SVOPL: variants seen among roughly 807,000 people sequenced by gnomAD.
SVOPL encodes putative transporter SVOPL.
Under a neutral mutation model 61.0 loss-of-function variants are expected in SVOPL, and 60 were observed. That is an observed-to-expected ratio of 0.98 (90% CI 0.80 to 1.22). SVOPL has a LOEUF of 1.22. Ranked by LOEUF, SVOPL falls within the 50% of genes most tolerant of loss-of-function variation. The pLI is 0.00. For synonymous variants in SVOPL, 279 were observed against 250.0 expected (o/e 1.12, Z -1.09); for missense variants, 662 against 643.9 (o/e 1.03, Z -0.30).
At chr7:138,624,180 C>A (rs1261973487) in intron 13 of SVOPL, among the ~76,000 whole-genome samples, 2 of 152,164 alleles carry the variant, frequency 1.3e-5, no homozygotes, top group Non-Finnish European at 2.9e-5. Flanking sequence ...TCAAGTTCAC[C>A]TTAGTTCCCC....
At chr7:138,624,411 A>T (rs1799805564) in intron 13 of SVOPL, among the ~76,000 whole-genome samples, 1 of 152,202 alleles carries the variant, frequency 6.6e-6, no homozygotes, top group African/African-American at 2.4e-5. Flanking sequence ...TTTTTGGAGT[A>T]GGTGGATCTG....
chr7:138,641,276 A>C (rs1038825162), intron 9 of SVOPL, among the ~76,000 whole-genome samples: 162 of 152,220 alleles, frequency 1.1e-3, no homozygotes, highest in African/African-American at 3.8e-3. Context: ...CTACAACAAA[A>C]AAAAAAATGT....
intron 9 of SVOPL, among the ~76,000 whole-genome samples, chr7:138,639,965 A>G (rs1158417776): frequency 2.0e-5 from 3 of 151,824 alleles, no homozygotes; most frequent in African/African-American, 7.3e-5. Flanking sequence ...TTTGATGCCC[A>G]GGCTGGTCTC....
At chr7:138,611,917 G>T (rs1290354561) in intron 14 of SVOPL, among the ~76,000 whole-genome samples, 5 of 13,722 alleles carry the variant, frequency 3.6e-4, no homozygotes, top group East Asian at 1.6e-3. Context: ...CATTGAGAAC[G>T]GGCCAGGATG....
chr7:138,630,411 C>T (rs377671293), intron 9 of SVOPL, among the ~76,000 whole-genome samples: 4 of 152,002 alleles, frequency 2.6e-5, no homozygotes, highest in East Asian at 1.9e-4. Flanking sequence ...AGCACTGGCG[C>T]GGGGGTGGGG....
intron 14 of SVOPL, among the ~76,000 whole-genome samples, chr7:138,605,212 T>C (rs915662834): frequency 8.5e-6 from 1 of 117,396 alleles, no homozygotes; most frequent in East Asian, 2.5e-4. Context: ...AAAAAAAGGA[T>C]AAAACTAAGA....
chr7:138,631,884 T>TAGTGTTCA lies in SVOPL; in HGVS notation c.790-1770_790-1763dup, dbSNP rs1200217937. On this transcript the variant is annotated intron_variant, in intron 9 of 15. Transcript: ENST00000674285. The stretch of plus-strand genomic sequence containing the variant: ...ATGCCCGGCAGGCTCACTCTCCTTT[T>TAGTGTTCA]AGTGTTCAATTTATGTCCCATTTAT... Among the ~76,000 whole-genome samples the TAGTGTTCA allele has an allele frequency of 1.3e-5, 2 of 151,428 alleles. 1 individual carries two copies. Among genetic ancestry groups the TAGTGTTCA allele is most frequent in the East Asian group, 3.9e-4 (2 of 5,168 alleles).
rs114338250 is a variant in SVOPL at position 138,698,568 on chromosome 7, G to A, written c.-35+2610C>T. 4.7e-3 allele frequency among the ~76,000 whole-genome samples: 714 copies of A among 152,196 alleles called. 4 individuals carry two copies. The highest frequency in any genetic ancestry group is 0.016 in the African/African-American group (681 of 41,534). On this transcript the variant is annotated intron_variant, in intron 1 of 15. Coordinates refer to ENST00000674285, the MANE Select transcript of SVOPL (RefSeq NM_001139456.2). ...GGACCAAGAGATCTCCCGCAGCCTC[G>A]GACTGCTCACCTCCAGACACCACGT...
At position 138,596,424 on chromosome 7, in the gene SVOPL, G is replaced by GC; in HGVS notation, c.1459dup (p.Ala487GlyfsTer6). 1 of 1,613,746 alleles carries GC rather than the reference G, an allele frequency of 6.2e-7. No individual in the cohort carries two copies. Among genetic ancestry groups the GC allele is most frequent in the Non-Finnish European group, 8.5e-7 (1 of 1,179,814 alleles). On this transcript the variant is annotated frameshift_variant, in exon 15 of 16. Coordinates refer to ENST00000674285, the MANE Select transcript of SVOPL (RefSeq NM_001139456.2). LOFTEE classifies it high-confidence loss of function. The stretch of plus-strand genomic sequence containing the variant: ...GTTCCCTGCATCACTCACCTGGAGG[G>GC]CCCGTCCTTTGGTTTCGATGGGGAG...
intron 11 of SVOPL, 51 bp from the exon 12 acceptor site, chr7:138,627,512 C>A (rs1191497135): frequency 1.5e-6 from 2 of 1,318,578 alleles, no homozygotes; most frequent in Non-Finnish European, 2.2e-6. Context: ...AGGCAAGTGG[C>A]ATATTGCAAC....
chr7:138,688,480 G>C (rs917104789), intron 1 of SVOPL, among the ~76,000 whole-genome samples: 1 of 152,148 alleles, frequency 6.6e-6, no homozygotes, highest in Non-Finnish European at 1.5e-5. Flanking sequence ...ATGTTGGTCA[G>C]GCTGGTCTTG....
chr7:138,660,070 G>C (rs1008674143), intron 5 of SVOPL, 82 bp from the exon 6 acceptor site: 1 of 1,520,996 alleles, frequency 6.6e-7, no homozygotes, highest in Admixed American at 2.1e-5. Context: ...GGCGATTTTC[G>C]GTTTCCATCC....
intron 13 of SVOPL, among the ~76,000 whole-genome samples, chr7:138,624,583 C>T (rs1799811546): frequency 6.6e-6 from 1 of 152,040 alleles, no homozygotes; most frequent in Admixed American, 6.6e-5. Flanking sequence ...AACAAAAAGT[C>T]ATCTTGATAT....
At chr7:138,631,873 C>T (rs1159274416) in intron 9 of SVOPL, among the ~76,000 whole-genome samples, 2 of 151,654 alleles carry the variant, frequency 1.3e-5, no homozygotes, top group African/African-American at 2.4e-5. Context: ...CCGGCAGGCT[C>T]ACTCTCCTTT....
intron 11 of SVOPL, among the ~76,000 whole-genome samples, chr7:138,627,779 AT>A (rs902757077): frequency 2.0e-5 from 3 of 152,006 alleles, no homozygotes; most frequent in East Asian, 3.9e-4. Flanking sequence ...GGTGCCATTG[AT>A]TTTTTTTCAT....
chr7:138,631,371 T>C (rs912077110), intron 9 of SVOPL, among the ~76,000 whole-genome samples: 1 of 152,156 alleles, frequency 6.6e-6, no homozygotes, highest in African/African-American at 2.4e-5. Flanking sequence ...TATTCTAAAA[T>C]GTATGAGTAA....
At chr7:138,658,058 C>T (rs1801831472) in intron 6 of SVOPL, among the ~76,000 whole-genome samples, 1 of 152,148 alleles carries the variant, frequency 6.6e-6, no homozygotes, top group South Asian at 2.1e-4. Flanking sequence ...GCTTTGGTCG[C>T]CATCTTGGTT....
At chr7:138,655,922 C>T (rs1460657776) in intron 7 of SVOPL, among the ~76,000 whole-genome samples, 3 of 152,100 alleles carry the variant, frequency 2.0e-5, no homozygotes, top group African/African-American at 4.8e-5. Context: ...GGAGAATTGA[C>T]TGCAATTTTG....
chr7:138,627,107 G>T (rs986725450), intron 12 of SVOPL, among the ~76,000 whole-genome samples: 1 of 152,130 alleles, frequency 6.6e-6, no homozygotes, highest in South Asian at 2.1e-4. Context: ...ATTTTGGTAG[G>T]TAAAGTGAGT....
Sources: gnomAD v4.1 joint callset for allele counts (sites outside exome capture counted in the v4.1 genomes callset) on GRCh38, gnomAD v4.1.1 for gene constraint, MANE v1.5 for transcripts, NCBI Gene and HGNC (gene_info 2026-07-23, HGNC 2026-07-21) for gene names.